SLC9A7: variants seen among roughly 807,000 people sequenced by gnomAD.
The protein encoded by SLC9A7 is sodium/hydrogen exchanger 7.
A neutral mutation model predicts 52.6 loss-of-function variants in SLC9A7; 19 were observed. The ratio of observed to expected loss-of-function variants is 0.36; its 90% CI spans 0.25 to 0.53. The LOEUF is 0.53. Among genes scored for constraint, SLC9A7 ranks in the 20% least tolerant of loss-of-function variants. The pLI, the probability that SLC9A7 is intolerant of heterozygous loss-of-function variation, is 0.91. For missense variants in SLC9A7, 455 were observed against 597.9 expected, an observed-to-expected ratio of 0.76 and a Z score of 2.49; for synonymous variants, 226 against 252.1, an observed-to-expected ratio of 0.90 and a Z score of 0.98.
intron 1 of SLC9A7, among the ~76,000 whole-genome samples, chrX:46,700,494 A>C: frequency 8.9e-6 from 1 of 112,081 alleles, no homozygotes; most frequent in Non-Finnish European, 1.9e-5. Flanking sequence ...GAAATAGATT[A>C]ATCAGTTTTT....
At chrX:46,611,863 C>T (rs1414139821) in intron 16 of SLC9A7, among the ~76,000 whole-genome samples, 1 of 111,622 alleles carries the variant, frequency 9.0e-6, no homozygotes, top group Non-Finnish European at 1.9e-5. Flanking sequence ...CCTTCTCTTC[C>T]GCCCCAGCGC....
chrX:46,754,684 G>A (rs1922506339), intron 1 of SLC9A7, among the ~76,000 whole-genome samples: 1 of 58,933 alleles, frequency 1.7e-5, no homozygotes, highest in African/African-American at 2.0e-4. Flanking sequence ...TTGGAAAGGT[G>A]ATGGGGTGGT....
At chrX:46,694,626 T>C (rs1185800996) in intron 1 of SLC9A7, among the ~76,000 whole-genome samples, 1 of 111,684 alleles carries the variant, frequency 9.0e-6, no homozygotes, top group East Asian at 2.8e-4. Context: ...CTAACCCTCA[T>C]ACGCTGCTGG....
chrX:46,654,579 G>T (rs1184376048), intron 7 of SLC9A7, among the ~76,000 whole-genome samples: 1 of 110,946 alleles, frequency 9.0e-6, no homozygotes, highest in Non-Finnish European at 1.9e-5. Context: ...GGCTTGTTGG[G>T]TTGGTTCCAG....
At chrX:46,630,047 T>C (rs897446446) in intron 14 of SLC9A7, among the ~76,000 whole-genome samples, 2 of 111,750 alleles carry the variant, frequency 1.8e-5, no homozygotes, top group Admixed American at 1.9e-4. Flanking sequence ...CCAATGAAGC[T>C]TATTGAAAAC....
intron 1 of SLC9A7, among the ~76,000 whole-genome samples, chrX:46,719,652 T>G (rs1944828749): frequency 9.0e-6 from 1 of 111,657 alleles, no homozygotes; most frequent in Non-Finnish European, 1.9e-5. Flanking sequence ...AAACATAGGT[T>G]TCCTACTCTA....
At chrX:46,750,038 G>A (rs556033753) in intron 1 of SLC9A7, among the ~76,000 whole-genome samples, 2 of 109,535 alleles carry the variant, frequency 1.8e-5, no homozygotes, top group South Asian at 8.1e-4. Context: ...CAGAGACCGT[G>A]CCACTACACT....
chrX:46,613,522 G>A (rs766279366), intron 15 of SLC9A7, 128 bp from the exon 16 acceptor site: 144 of 417,812 alleles, frequency 3.4e-4, no homozygotes, highest in African/African-American at 1.1e-3. Flanking sequence ...TACAACACAC[G>A]AAATACTTGT....
chrX:46,638,373 A>G (rs1343655393), intron 12 of SLC9A7, among the ~76,000 whole-genome samples: 2 of 112,109 alleles, frequency 1.8e-5, no homozygotes, highest in Non-Finnish European at 3.8e-5. Context: ...CTGTCTGGAT[A>G]GAGTCAGACA....
intron 5 of SLC9A7, among the ~76,000 whole-genome samples, chrX:46,666,999 C>A (rs1183124733): frequency 8.9e-6 from 1 of 112,113 alleles, no homozygotes; most frequent in Non-Finnish European, 1.9e-5. Context: ...TGGAAACATG[C>A]TTGGCTTCAG....
intron 1 of SLC9A7, among the ~76,000 whole-genome samples, chrX:46,714,238 G>A (rs1031752867): frequency 3.6e-5 from 4 of 111,042 alleles, no homozygotes; most frequent in African/African-American, 6.5e-5. Flanking sequence ...TCAAGAGTAA[G>A]TAACTGCCCT....
intron 12 of SLC9A7, 148 bp downstream of exon 12, chrX:46,643,086 TAA>T: frequency 2.1e-6 from 1 of 482,227 alleles, no homozygotes; most frequent in Non-Finnish European, 3.3e-6. Context: ...CTTATTGTTT[TAA>T]AAAAAATTGT....
rs1392839922 is a variant in SLC9A7 at position 46,607,097 on chromosome X, G to A, written c.2036C>T (p.Ser679Leu). ...CTCCAGACTCGTGGAGGCGGTGTGC[G>A]AACTTGAGGAGCCATTTGCAGTCAC... Reference protein sequence around the residue: ...STVTANGSSSSHTASTSLEGS... With the variant: ...STVTANGSSSLHTASTSLEGS... Residue 679 changes from serine to leucine, a missense_variant, in exon 17 of 17, where the codon TCG becomes TTG. Coordinates refer to ENST00000616978, the MANE Select transcript of SLC9A7 (RefSeq NM_001257291.2). 3.3e-6 allele frequency: 4 copies of A among 1,211,474 alleles called. No individual in the cohort carries two copies. Among genetic ancestry groups the A allele is most frequent in the Admixed American group, 2.2e-5 (1 of 46,014 alleles).
chrX:46,657,579 T>C (rs1297241067), intron 7 of SLC9A7, among the ~76,000 whole-genome samples: 6 of 107,396 alleles, frequency 5.6e-5, no homozygotes, highest in African/African-American at 1.7e-4. Context: ...AATCCTAGTC[T>C]CTGATAAAAC....
In SLC9A7 at chrX:46,640,174, C is replaced by T. The variant is rs141331497; in HGVS notation, c.1616+3062G>A. 7.9e-3 allele frequency among the ~76,000 whole-genome samples: 886 copies of T among 111,786 alleles called. 6 individuals carry two copies. Among genetic ancestry groups the T allele is most frequent in the African/African-American group, 0.027 (845 of 30,771 alleles). ...ATCACTCTGATGCTAAGGTTTGCTG[C>T]GTAAGTATAGTCATCAAGACAGTAT... On this transcript the variant is annotated intron_variant, in intron 12 of 16. Coordinates refer to ENST00000616978, the MANE Select transcript of SLC9A7 (RefSeq NM_001257291.2).
At chrX:46,681,946 A>G (rs953807141) in intron 2 of SLC9A7, among the ~76,000 whole-genome samples, 1 of 112,357 alleles carries the variant, frequency 8.9e-6, no homozygotes, top group African/African-American at 3.2e-5. Flanking sequence ...TGAATACTGA[A>G]TAAATTAAGC....
chrX:46,673,008 G>A (rs1944050271), intron 3 of SLC9A7, among the ~76,000 whole-genome samples: 1 of 111,995 alleles, frequency 8.9e-6, no homozygotes, highest in Admixed American at 9.5e-5. Context: ...AGTTCTGGTG[G>A]TACCTCAGAA....
At chrX:46,655,524 C>T (rs1000877111) in intron 7 of SLC9A7, among the ~76,000 whole-genome samples, 2 of 111,437 alleles carry the variant, frequency 1.8e-5, no homozygotes, top group African/African-American at 3.3e-5. Context: ...GCACCATGTG[C>T]GAGCCGAAGC....
chrX:46,753,819 T>C (rs1412405211), intron 1 of SLC9A7, among the ~76,000 whole-genome samples: 3 of 109,548 alleles, frequency 2.7e-5, no homozygotes, highest in African/African-American at 1.0e-4. Context: ...CCGTCTCTAC[T>C]AAAAATACAA....
Sources: allele counts gnomAD v4.1 joint callset (sites outside exome capture counted in the v4.1 genomes callset), GRCh38; gene constraint gnomAD v4.1.1; transcripts MANE v1.5; gene names NCBI Gene and HGNC (gene_info 2026-07-23, HGNC 2026-07-21).